The following CYGB variants were observed in gnomAD, a reference collection of about 807,000 sequenced individuals.
CYGB encodes the protein histoglobin.
A neutral mutation model predicts 20.7 loss-of-function variants in CYGB; 13 were observed. That is an observed-to-expected ratio of 0.63 (90% CI 0.41 to 1.00). The LOEUF (loss-of-function observed/expected upper bound fraction) is 1.00, where lower values mean the gene tolerates loss of function less well. CYGB is among the 50% of genes least tolerant of loss of function. CYGB has a pLI of 0.00. For synonymous variants in CYGB, 93 were observed against 107.4 expected, an observed-to-expected ratio of 0.87 and a Z score of 0.83; for missense variants, 218 against 257.2, an observed-to-expected ratio of 0.85 and a Z score of 1.04.
At position 76,531,759 on chromosome 17, in the gene CYGB, G is replaced by A; in HGVS notation, c.144-68C>T. On this transcript the variant is annotated intron_variant, in intron 1 of 3. Coordinates refer to ENST00000293230, the MANE Select transcript of CYGB (RefSeq NM_134268.5). This position sits in a 1 kb window ranked among gnomAD's most constrained non-coding sequence, Gnocchi z 7.4. Reference sequence around the variant, plus strand: ...CTCGGGCCCACCCTGAAGCTTCCAGGATAGTGGGGGCTGAAGAAGTGGACC... The same window carrying A: ...CTCGGGCCCACCCTGAAGCTTCCAGAATAGTGGGGGCTGAAGAAGTGGACC... 1 of 1,352,052 alleles carries A rather than the reference G, an allele frequency of 7.4e-7. No homozygotes were observed. The highest frequency in any genetic ancestry group is 1.0e-6 in the Non-Finnish European group (1 of 980,874). The allele number at this position is 1,352,052 out of a possible 1,614,324, so 83.8% of individuals were successfully genotyped here.
In CYGB at chr17:76,531,414, A is replaced by G. The variant is rs745534614; in HGVS notation, c.375+46T>C. On this transcript the variant is annotated intron_variant, in intron 2 of 3. Coordinates refer to ENST00000293230, the MANE Select transcript of CYGB (RefSeq NM_134268.5). This position sits in a 1 kb window ranked among gnomAD's most constrained non-coding sequence, Gnocchi z 7.4. ...CAGAGCCTGCGAGCTGCAGATGGCC[A>G]TGACGCGTGGGCGGTGGGGGCTCTG... 5.7e-6 allele frequency: 9 copies of G among 1,578,368 alleles called. No individual in the cohort carries two copies. Among genetic ancestry groups the G allele is most frequent in the Non-Finnish European group, 7.8e-6 (9 of 1,153,034 alleles).
At position 76,533,066 on chromosome 17, in the gene CYGB, G is replaced by C. The variant is rs976435622; in HGVS notation, c.144-1375C>G. Among the ~76,000 whole-genome samples, 3 of 152,186 alleles carry C rather than the reference G, an allele frequency of 2.0e-5. No individual in the cohort carries two copies. The highest frequency in any genetic ancestry group is 2.0e-4 in the Admixed American group (3 of 15,290). ...TGGCCAGGAGTCGAGTCTCAGATGT[G>C]AGGGCTGGAACAGATGCGGAGAGGG... is the stretch of plus-strand genomic sequence containing the variant. On this transcript the variant is annotated intron_variant, in intron 1 of 3. Coordinates refer to ENST00000293230, the MANE Select transcript of CYGB (RefSeq NM_134268.5). The surrounding 1 kb of genome is among the most constrained non-coding windows in gnomAD (Gnocchi z 4.5).
chr17:76,527,615 AGGGTG>A lies in CYGB; in HGVS notation c.*958_*962del. 1 of 453,056 alleles carries A rather than the reference AGGGTG, an allele frequency of 2.2e-6. No homozygotes were observed. The highest frequency in any genetic ancestry group is 4.4e-6 in the Non-Finnish European group (1 of 226,040). 28.1% of individuals were successfully genotyped at this position (453,056 alleles called of 1,614,324 possible). A position where few individuals can be genotyped will look rare whatever the true frequency, so the allele number is the denominator to read the frequency against. ...ACAGGGCCGACTGCCGGCCAGGAGG[AGGGTG>A]GGGTGGGGAAAGCCCTCGGCCCTCG... is the stretch of plus-strand genomic sequence containing the variant. On this transcript the variant is annotated 3_prime_UTR_variant, in exon 4 of 4. Transcript: ENST00000293230.
Position 76,537,425 on chromosome 17 carries a change from C to T in CYGB, c.118G>A (p.Asp40Asn). 1 of 1,598,598 alleles carries T rather than the reference C, an allele frequency of 6.3e-7. No individual in the cohort carries two copies. Among genetic ancestry groups the T allele is most frequent in the Non-Finnish European group, 8.5e-7 (1 of 1,172,920 alleles). ...MWARLYANCE[D>N]VGVAILVRFF... ...CTCACCAGGATGGCCACCCCCACGT[C>T]CTCGCAGTTGGCATAGAGCCGGGCC... is the stretch of plus-strand genomic sequence containing the variant. The change falls in exon 1 of 4, where the codon GAC becomes AAC. Residue 40 changes from aspartate (D) to asparagine (N), a missense_variant. Asp to Asn is a conservative substitution (Grantham distance 23, BLOSUM62 1). Around this residue, in one of 2 missense-constraint regions of CYGB, gnomAD observed 152 missense variants for 149.9 expected, o/e 1.01. Transcript: ENST00000293230.
intron 1 of CYGB, chr17:76,550,554 A>C (rs2143218936): frequency 6.6e-6 from 1 of 152,332 alleles, no homozygotes; most frequent in East Asian, 1.9e-4. Flanking sequence ...GAGCCACCGC[A>C]CCCGCCTAAG....
intron 1 of CYGB, chr17:76,543,981 G>A (rs1391972513): frequency 8.7e-6 from 4 of 462,396 alleles, no homozygotes; most frequent in South Asian, 1.6e-5. Flanking sequence ...CGTGTGGGAA[G>A]GAAAAAGCCT....
chr17:76,538,584 A>T (rs1038040459), upstream of CYGB: 3 of 450,634 alleles, frequency 6.7e-6, no homozygotes, highest in Non-Finnish European at 1.4e-5. Context: ...GATAGGGCAG[A>T]CAGGACCTGG....
rs1007452315 is a variant in CYGB, at chr17:76,533,106, A to C, written c.144-1415T>G. 6.6e-6 allele frequency among the ~76,000 whole-genome samples: 1 copy of C among 152,192 alleles called. No individual in the cohort carries two copies. Among genetic ancestry groups the C allele is most frequent in the African/African-American group, 2.4e-5 (1 of 41,448 alleles). ...TGCGGAGAGGGCATCTGGCCGGGTC[A>C]TCCCTGCTGCTGGTGGAACTGCTAT... On this transcript the variant is annotated intron_variant, in intron 1 of 3. Transcript: ENST00000293230. This position sits in a 1 kb window ranked among gnomAD's most constrained non-coding sequence, Gnocchi z 4.5.
At chr17:76,547,886 C>T (rs1407506056) in intron 1 of CYGB, among the ~76,000 whole-genome samples, 1 of 150,312 alleles carries the variant, frequency 6.7e-6, no homozygotes, top group Non-Finnish European at 1.5e-5. Context: ...CACACATACA[C>T]ATACACACAG....
At chr17:76,532,530 CTTTT>C (rs111936272) in intron 1 of CYGB, among the ~76,000 whole-genome samples, 5 of 125,724 alleles carry the variant, frequency 4.0e-5, no homozygotes, top group Admixed American at 8.2e-5. Flanking sequence ...ATGACAATGG[CTTTT>C]TTTTTTTTTT....
At chr17:76,539,396 T>C (rs2074960398), upstream of CYGB, among the ~76,000 whole-genome samples, 1 of 152,262 alleles carries the variant, frequency 6.6e-6, no homozygotes, top group Non-Finnish European at 1.5e-5. Flanking sequence ...AATTTGTAAG[T>C]GGCTGCACCT....
At position 76,533,508 on chromosome 17, in the gene CYGB, T is replaced by C. The variant is rs573403461; in HGVS notation, c.144-1817A>G. On this transcript the variant is annotated intron_variant, in intron 1 of 3. Coordinates refer to ENST00000293230, the MANE Select transcript of CYGB (RefSeq NM_134268.5). This position sits in a 1 kb window ranked among gnomAD's most constrained non-coding sequence, Gnocchi z 4.5. ...ACGAGGCCGAGGCGGGTGGATTGCT[T>C]GAGCTCAGGCATTTGAGACCAGCCT... is the stretch of plus-strand genomic sequence containing the variant. Among the ~76,000 whole-genome samples the C allele has an allele frequency of 3.7e-3, 571 of 152,306 alleles. 4 individuals are homozygous for C. The highest frequency in any genetic ancestry group is 0.024 in the Middle Eastern group (7 of 294).
chr17:76,530,435 TGCGTGTGA>T lies in CYGB; in HGVS notation c.539+536_539+543del, dbSNP rs138591504. 4.1e-3 allele frequency among the ~76,000 whole-genome samples: 631 copies of T among 152,320 alleles called. 1 individual carries two copies. Among genetic ancestry groups the T allele is most frequent in the Middle Eastern group, 0.01 (3 of 294 alleles). ...GGAAGTAAACATGCCCCTGCTCGTG[TGCGTGTGA>T]GCGACACCCATGTAGCTTCCTCGTG... On this transcript the variant is annotated intron_variant, in intron 3 of 3. Transcript: ENST00000293230. The surrounding 1 kb of genome is among the most constrained non-coding windows in gnomAD (Gnocchi z 6.1).
At chr17:76,542,068 T>C (rs961617573), upstream of CYGB, among the ~76,000 whole-genome samples, 2 of 152,194 alleles carry the variant, frequency 1.3e-5, no homozygotes, top group African/African-American at 4.8e-5. Context: ...CTTTGGTTAA[T>C]GGTTGTGGAA....
At chr17:76,543,150 T>C (rs1324305530) in intron 1 of CYGB, 1 of 466,998 alleles carries the variant, frequency 2.1e-6, no homozygotes, top group Non-Finnish European at 4.5e-6. Context: ...GCCCGGGACC[T>C]GCCAGTCTCC....
chr17:76,542,599 C>G (rs2075005384), upstream of CYGB: 1 of 1,613,678 alleles, frequency 6.2e-7, no homozygotes, highest in African/African-American at 1.3e-5. Context: ...AGGTGGGGCT[C>G]AGGCCCAGAG....
At chr17:76,545,471 G>A in intron 1 of CYGB, 1 of 429,234 alleles carries the variant, frequency 2.3e-6, no homozygotes, top group Admixed American at 2.4e-5. Context: ...GGAGAGGGCA[G>A]ATAAAGGGCA....
chr17:76,541,937 A>G (rs2074997033), upstream of CYGB, among the ~76,000 whole-genome samples: 1 of 152,180 alleles, frequency 6.6e-6, no homozygotes, highest in Non-Finnish European at 1.5e-5. Context: ...CATAAATGCT[A>G]GCAGCTGTCT....
intron 1 of CYGB, among the ~76,000 whole-genome samples, chr17:76,532,852 A>G (rs1598204226): frequency 6.6e-6 from 1 of 151,240 alleles, no homozygotes; most frequent in South Asian, 2.1e-4. Flanking sequence ...TGACTTTTTC[A>G]CCTCCCCTCC....
Sources: allele counts gnomAD v4.1 joint callset (sites outside exome capture counted in the v4.1 genomes callset), GRCh38; gene constraint gnomAD v4.1.1; regional missense constraint gnomAD v4.1.1; non-coding constraint Gnocchi (gnomAD v3.1); transcripts MANE v1.5; gene names NCBI Gene and HGNC (gene_info 2026-07-23, HGNC 2026-07-21).